SHISA6: variants seen among roughly 807,000 people sequenced by gnomAD.
The protein encoded by SHISA6 is protein shisa-6.
A neutral mutation model predicts 47.9 loss-of-function variants in SHISA6; 22 were observed. The ratio of observed to expected loss-of-function variants is 0.46; its 90% CI spans 0.33 to 0.66. SHISA6 has a LOEUF of 0.66. SHISA6 is among the 30% of genes least tolerant of loss of function. The pLI is 0.02. For missense variants in SHISA6, 680 were observed against 764.6 expected, an observed-to-expected ratio of 0.89 and a Z score of 1.30; for synonymous variants, 388 against 337.8, an observed-to-expected ratio of 1.15 and a Z score of -1.63.
At chr17:11,543,886 C>G (rs2071855346) in intron 3 of SHISA6, among the ~76,000 whole-genome samples, 1 of 131,692 alleles carries the variant, frequency 7.6e-6, no homozygotes, top group Admixed American at 8.1e-5. Flanking sequence ...AGAAGTGATT[C>G]TAGAGCAATT....
intron 3 of SHISA6, among the ~76,000 whole-genome samples, chr17:11,451,798 G>A (rs1330701927): frequency 6.6e-6 from 1 of 152,226 alleles, no homozygotes; most frequent in Admixed American, 6.5e-5. Context: ...TCTCTGCAGT[G>A]TGCTGCCTGT....
intron 3 of SHISA6, among the ~76,000 whole-genome samples, chr17:11,408,803 C>A (rs565918236): frequency 6.6e-6 from 1 of 152,228 alleles, no homozygotes; most frequent in East Asian, 1.9e-4. Context: ...CTCAGCTGTT[C>A]CCCTTGCTCA....
intron 2 of SHISA6, among the ~76,000 whole-genome samples, chr17:11,272,288 C>A (rs1908707114): frequency 6.6e-6 from 1 of 152,150 alleles, no homozygotes; most frequent in African/African-American, 2.4e-5. Flanking sequence ...CTGGAATGTT[C>A]TCTTTTCGTT....
At chr17:11,443,964 A>G (rs1915162489) in intron 3 of SHISA6, among the ~76,000 whole-genome samples, 2 of 152,188 alleles carry the variant, frequency 1.3e-5, no homozygotes, top group Non-Finnish European at 2.9e-5. Context: ...ATTTCACCAT[A>G]AGTGATATTT....
intron 2 of SHISA6, among the ~76,000 whole-genome samples, chr17:11,269,531 C>T (rs1007575681): frequency 1.3e-5 from 2 of 152,200 alleles, no homozygotes; most frequent in South Asian, 2.1e-4. Context: ...GAAGCCCAGG[C>T]AACCCAGAGA....
chr17:11,368,210 A>G (rs2142235293), intron 2 of SHISA6, among the ~76,000 whole-genome samples: 1 of 152,334 alleles, frequency 6.6e-6, no homozygotes, highest in Admixed American at 6.5e-5. Context: ...ATTTCCCAGC[A>G]TGTCAGGAGC....
At position 11,402,003 on chromosome 17, in the gene SHISA6, G is replaced by A. The variant is rs1913790543; in HGVS notation, c.895+22494G>A. ...CACTCCCTTTCATAAAGGGACAGAA[G>A]GGAGGCACGCAGCAGGCACTGGTCC... On this transcript the variant is annotated intron_variant, in intron 3 of 5. Coordinates refer to ENST00000441885, the MANE Select transcript of SHISA6 (RefSeq NM_207386.4). Among the ~76,000 whole-genome samples, 3 of 152,286 alleles carry A rather than the reference G, an allele frequency of 2.0e-5. No homozygotes were observed. In the South Asian group the frequency reaches 6.2e-4, roughly 32 times the overall value.
At chr17:11,400,607 A>G (rs925652452) in intron 3 of SHISA6, among the ~76,000 whole-genome samples, 1 of 152,098 alleles carries the variant, frequency 6.6e-6, no homozygotes, top group Admixed American at 6.6e-5. Flanking sequence ...ACAACTGTCT[A>G]TTGTCAAATT....
At chr17:11,514,231 G>T (rs940083201) in intron 3 of SHISA6, among the ~76,000 whole-genome samples, 1 of 152,142 alleles carries the variant, frequency 6.6e-6, no homozygotes, top group Non-Finnish European at 1.5e-5. Context: ...TTTTAATGGT[G>T]ATTTGACTCT....
intron 2 of SHISA6, among the ~76,000 whole-genome samples, chr17:11,359,846 G>T (rs1321492223): frequency 2.0e-5 from 3 of 151,788 alleles, no homozygotes; most frequent in African/African-American, 7.3e-5. Context: ...ACAGAAATAA[G>T]AACGCTTTTA....
chr17:11,302,872 G>T (rs1288898958), intron 2 of SHISA6, among the ~76,000 whole-genome samples: 2 of 152,058 alleles, frequency 1.3e-5, no homozygotes, highest in African/African-American at 2.4e-5. Context: ...AGGTGGAGAG[G>T]AGGGGGGCGT....
At chr17:11,354,548 T>G (rs1376614319) in intron 2 of SHISA6, among the ~76,000 whole-genome samples, 3 of 152,204 alleles carry the variant, frequency 2.0e-5, no homozygotes, top group African/African-American at 7.2e-5. Context: ...GGGAGTAAAT[T>G]AATGAGACGC....
intron 3 of SHISA6, among the ~76,000 whole-genome samples, chr17:11,415,135 C>A (rs911499132): frequency 2.6e-5 from 4 of 151,530 alleles, no homozygotes; most frequent in African/African-American, 9.7e-5. Context: ...ATCCAAAGTT[C>A]ATAAGATAAT....
rs576981841 is a variant in SHISA6 at position 11,532,650 on chromosome 17, A to T, written c.896-19246A>T. 5.3e-5 allele frequency among the ~76,000 whole-genome samples: 8 copies of T among 150,178 alleles called. No homozygotes were observed. In the South Asian group the frequency reaches 1.5e-3, roughly 28 times the overall value. Reference sequence around the variant, plus strand: ...TAGCTACAGACAGGGATTTTGCTATAGTCTTGGAATTAGAGTTCTGAATTG... The same window carrying T: ...TAGCTACAGACAGGGATTTTGCTATTGTCTTGGAATTAGAGTTCTGAATTG... On this transcript the variant is annotated intron_variant, in intron 3 of 5. Transcript: ENST00000441885.
At chr17:11,526,669 C>T (rs1057055954) in intron 3 of SHISA6, among the ~76,000 whole-genome samples, 2 of 152,024 alleles carry the variant, frequency 1.3e-5, no homozygotes, top group Non-Finnish European at 2.9e-5. Flanking sequence ...CCACGTTATA[C>T]AGCTGAGTTT....
At chr17:11,261,769 CTTTGTACACAAGTT>C (rs1159045021) in intron 1 of SHISA6, among the ~76,000 whole-genome samples, 1 of 152,134 alleles carries the variant, frequency 6.6e-6, no homozygotes, top group African/African-American at 2.4e-5. Context: ...TGCTATGAAC[CTTTGTACACAAGTT>C]TAATGCAACA....
At chr17:11,246,590 A>G (rs770664516) in intron 1 of SHISA6, among the ~76,000 whole-genome samples, 8 of 152,238 alleles carry the variant, frequency 5.3e-5, no homozygotes, top group Non-Finnish European at 1.2e-4. Context: ...GGATGCTGGG[A>G]AGGCAGAAAG....
intron 3 of SHISA6, among the ~76,000 whole-genome samples, chr17:11,549,587 G>A (rs2071912919): frequency 6.6e-6 from 1 of 152,120 alleles, no homozygotes; most frequent in Non-Finnish European, 1.5e-5. Flanking sequence ...AAAGTGTTCA[G>A]CACAGAGCAA....
chr17:11,546,186 G>A (rs1386431944), intron 3 of SHISA6, among the ~76,000 whole-genome samples: 2 of 152,148 alleles, frequency 1.3e-5, no homozygotes, highest in East Asian at 3.9e-4. Context: ...TATGTGTCAT[G>A]AGTACAGTCA....
Sources: gnomAD v4.1 joint callset for allele counts (sites outside exome capture counted in the v4.1 genomes callset) on GRCh38, gnomAD v4.1.1 for gene constraint, MANE v1.5 for transcripts, NCBI Gene and HGNC (gene_info 2026-07-23, HGNC 2026-07-21) for gene names.